Variants in CAMK2D observed in about 807,000 individuals in gnomAD.
CAMK2D encodes calcium/calmodulin dependent protein kinase II delta.
CAMK2D carries 37 observed loss-of-function variants against 84.0 expected under a neutral mutation model. The observed-to-expected ratio is 0.44, with a 90% CI of 0.34 to 0.58. The LOEUF (loss-of-function observed/expected upper bound fraction) is 0.58, where lower values mean the gene tolerates loss of function less well. CAMK2D is among the 20% of genes least tolerant of loss of function. The pLI is 0.02. For missense variants in CAMK2D, 448 were observed against 652.5 expected (o/e 0.69, Z 3.41); for synonymous variants, 202 against 212.5 (o/e 0.95, Z 0.43).
intron 3 of CAMK2D, among the ~76,000 whole-genome samples, chr4:113,643,904 G>A (rs1279606164): frequency 2.0e-5 from 3 of 152,204 alleles, no homozygotes; most frequent in Non-Finnish European, 4.4e-5. Flanking sequence ...ACCCAGGCCA[G>A]CTTTACAAGT....
chr4:113,738,450 A>G (rs1446564514), intron 2 of CAMK2D, among the ~76,000 whole-genome samples: 2 of 152,150 alleles, frequency 1.3e-5, no homozygotes, highest in Non-Finnish European at 2.9e-5. Context: ...AAAGTTAAGC[A>G]GTCTCATGTT....
intron 2 of CAMK2D, among the ~76,000 whole-genome samples, chr4:113,749,136 T>A (rs1320872540): frequency 6.6e-6 from 1 of 151,320 alleles, no homozygotes; most frequent in Non-Finnish European, 1.5e-5. Flanking sequence ...GAATATTTTC[T>A]CATATATAAT....
intron 5 of CAMK2D, among the ~76,000 whole-genome samples, chr4:113,551,114 T>C (rs1320129858): frequency 6.6e-6 from 1 of 152,130 alleles, no homozygotes; most frequent in African/African-American, 2.4e-5. Context: ...TTGCTAATAA[T>C]GAGCCAATCA....
chr4:113,754,997 A>C, intron 2 of CAMK2D: 1 of 984,320 alleles, frequency 1.0e-6, no homozygotes, highest in Non-Finnish European at 1.2e-6. Context: ...ATAATGTATA[A>C]TCAGAACTTA....
chr4:113,747,476 CA>C (rs2099607267), intron 2 of CAMK2D, among the ~76,000 whole-genome samples: 1 of 151,910 alleles, frequency 6.6e-6, no homozygotes, highest in Non-Finnish European at 1.5e-5. Context: ...CTACTCTTGA[CA>C]ATAGGCATTC....
At chr4:113,515,753 G>A (rs2154168449) in intron 9 of CAMK2D, among the ~76,000 whole-genome samples, 1 of 152,282 alleles carries the variant, frequency 6.6e-6, no homozygotes, top group African/African-American at 2.4e-5. Flanking sequence ...AGAAGAATCT[G>A]AGACTACAGG....
chr4:113,643,469 A>G (rs2099140209), intron 3 of CAMK2D, among the ~76,000 whole-genome samples: 1 of 152,226 alleles, frequency 6.6e-6, no homozygotes, highest in African/African-American at 2.4e-5. Flanking sequence ...AAAGCAAGTC[A>G]AAAAACAAGA....
chr4:113,702,343 A>C (rs902111379), intron 2 of CAMK2D, among the ~76,000 whole-genome samples: 3 of 152,176 alleles, frequency 2.0e-5, no homozygotes, highest in Admixed American at 2.0e-4. Flanking sequence ...GTGCACATGC[A>C]TTTTTTATTT....
At chr4:113,669,083 T>C (rs761507841) in intron 2 of CAMK2D, among the ~76,000 whole-genome samples, 7 of 152,178 alleles carry the variant, frequency 4.6e-5, no homozygotes, top group Admixed American at 2.6e-4. Flanking sequence ...TATTCAGAGA[T>C]ATAACATTAT....
chr4:113,461,971 A>G (rs1476711991), intron 17 of CAMK2D, among the ~76,000 whole-genome samples: 3 of 152,230 alleles, frequency 2.0e-5, no homozygotes, highest in Admixed American at 2.0e-4. Flanking sequence ...TGATGGGGGC[A>G]AGGATTACAG....
chr4:113,463,031 C>T (rs1290594573), intron 17 of CAMK2D, among the ~76,000 whole-genome samples: 1 of 152,076 alleles, frequency 6.6e-6, no homozygotes, highest in Non-Finnish European at 1.5e-5. Context: ...CCAATTTTTA[C>T]TATTTCTTTT....
At chr4:113,634,786 T>C (rs2099103482) in intron 3 of CAMK2D, among the ~76,000 whole-genome samples, 1 of 152,226 alleles carries the variant, frequency 6.6e-6, no homozygotes, top group Non-Finnish European at 1.5e-5. Flanking sequence ...CAAAACCTCA[T>C]GGAACTTACA....
chr4:113,622,225 C>T (rs971470320), intron 3 of CAMK2D, among the ~76,000 whole-genome samples: 1 of 152,106 alleles, frequency 6.6e-6, no homozygotes, highest in Admixed American at 6.6e-5. Flanking sequence ...TTTGTCAACC[C>T]TTCCTATTAA....
intron 16 of CAMK2D, among the ~76,000 whole-genome samples, chr4:113,489,937 CTTCTT>C (rs1472868480): frequency 3.3e-5 from 5 of 150,166 alleles, no homozygotes; most frequent in Non-Finnish European, 5.9e-5. Flanking sequence ...GCATAAATGT[CTTCTT>C]TTGAGAAGTG....
At chr4:113,507,605 T>TTC (rs1454881940) in intron 13 of CAMK2D, among the ~76,000 whole-genome samples, 1 of 151,902 alleles carries the variant, frequency 6.6e-6, no homozygotes, top group African/African-American at 2.4e-5. Flanking sequence ...ACTCTGGCAC[T>TTC]TTTGTGTGAT....
rs2097449054 is a variant in CAMK2D at position 113,465,579 on chromosome 4, G to A, written c.1161C>T (p.Val387=). 1 of 1,612,576 alleles carries A rather than the reference G, an allele frequency of 6.2e-7. No homozygotes were observed. The highest frequency in any genetic ancestry group is 2.2e-5 in the East Asian group (1 of 44,852). The change falls in exon 17 of 21, where the codon GTC becomes GTT. Residue 387 remains valine (V), a synonymous_variant. Transcript: ENST00000511664. ...TGATAGCTTCGATCAGTTGTTCAGT[G>A]ACTTTGATAATCTCTTGCTTTCGTG... ...VKARKQEIIK[V]TEQLIEAINN... is the part of the protein sequence containing the mutation.
At chr4:113,710,042 A>G (rs1025980158) in intron 2 of CAMK2D, among the ~76,000 whole-genome samples, 43 of 151,790 alleles carry the variant, frequency 2.8e-4, no homozygotes, top group Non-Finnish European at 8.8e-5. Context: ...TAAGGCTCCA[A>G]TCGCTCTGGG....
At chr4:113,577,410 T>C (rs2098788505) in intron 4 of CAMK2D, among the ~76,000 whole-genome samples, 1 of 152,196 alleles carries the variant, frequency 6.6e-6, no homozygotes, top group African/African-American at 2.4e-5. Context: ...TTGAATTAGC[T>C]TTAGCTCTGT....
chr4:113,457,242 A>T, intron 19 of CAMK2D, 93 bp downstream of exon 19: 1 of 1,516,136 alleles, frequency 6.6e-7, no homozygotes, highest in Non-Finnish European at 8.8e-7. Context: ...ACTAGCGTTA[A>T]ATAACATATA....
Sources: allele counts gnomAD v4.1 joint callset (sites outside exome capture counted in the v4.1 genomes callset), GRCh38; gene constraint gnomAD v4.1.1; transcripts MANE v1.5; gene names NCBI Gene and HGNC (gene_info 2026-07-23, HGNC 2026-07-21).